Variants in MAL observed in about 807,000 individuals in gnomAD.
MAL encodes mal, T cell differentiation protein (MAL blood group).
MAL carries 5 observed loss-of-function variants against 16.7 expected under a neutral mutation model. That is an observed-to-expected ratio of 0.30 (90% CI 0.16 to 0.63). The LOEUF is 0.63. Among genes scored for constraint, MAL ranks in the 30% least tolerant of loss-of-function variants. MAL has a pLI of 0.82. For missense variants in MAL, 202 were observed against 195.8 expected (o/e 1.03, Z -0.19); for synonymous variants, 96 against 85.5 (o/e 1.12, Z -0.67).
At chr2:95,043,396 C>T (rs939840999) in intron 1 of MAL, among the ~76,000 whole-genome samples, 1 of 152,234 alleles carries the variant, frequency 6.6e-6, no homozygotes, top group Non-Finnish European at 1.5e-5. Flanking sequence ...TAGTTTTAGC[C>T]AGTTCACACC....
chr2:95,028,152 C>CA (rs898443996), intron 1 of MAL, among the ~76,000 whole-genome samples: 7,749 of 39,562 alleles, frequency 0.2, 254 homozygotes, highest in African/African-American at 0.22. Flanking sequence ...ACTAAAAATA[C>CA]AAAAAAAAAA....
At chr2:95,050,132 G>A (rs533912787) in intron 3 of MAL, among the ~76,000 whole-genome samples, 5 of 152,066 alleles carry the variant, frequency 3.3e-5, no homozygotes, top group South Asian at 2.1e-4. Flanking sequence ...TGGCATCAAC[G>A]CTGGAGGCCC....
intron 1 of MAL, among the ~76,000 whole-genome samples, chr2:95,043,968 C>A (rs1374277052): frequency 6.6e-6 from 1 of 152,146 alleles, no homozygotes; most frequent in East Asian, 1.9e-4. Flanking sequence ...TAAGAGCGTC[C>A]CTAGGAACGT....
intron 1 of MAL, among the ~76,000 whole-genome samples, chr2:95,034,085 G>A (rs1423609879): frequency 8.5e-5 from 13 of 152,182 alleles, no homozygotes; most frequent in East Asian, 1.9e-4. Context: ...CGCAAGGCCC[G>A]CCCCCATCAC....
chr2:95,032,723 C>T (rs1397473707), intron 1 of MAL, among the ~76,000 whole-genome samples: 2 of 152,170 alleles, frequency 1.3e-5, no homozygotes, highest in African/African-American at 4.8e-5. Context: ...TTGCCTTTGA[C>T]ACCCTGGTGA....
intron 1 of MAL, among the ~76,000 whole-genome samples, chr2:95,037,428 G>A (rs1319816500): frequency 5.3e-5 from 8 of 151,148 alleles, no homozygotes; most frequent in African/African-American, 1.9e-4. Flanking sequence ...GAGTGGGTGA[G>A]TGAGTGACTG....
intron 1 of MAL, among the ~76,000 whole-genome samples, chr2:95,045,643 G>A (rs937588335): frequency 6.6e-6 from 1 of 152,204 alleles, no homozygotes; most frequent in Non-Finnish European, 1.5e-5. Context: ...GGAGGGTCAC[G>A]TAGCCACCAG....
intron 2 of MAL, among the ~76,000 whole-genome samples, chr2:95,048,558 A>C (rs1437983500): frequency 2.0e-5 from 3 of 152,224 alleles, no homozygotes; most frequent in African/African-American, 7.2e-5. Flanking sequence ...CCAGCTCCTC[A>C]GCCACTGCCT....
At chr2:95,029,171 G>C (rs1275026520) in intron 1 of MAL, among the ~76,000 whole-genome samples, 1 of 152,128 alleles carries the variant, frequency 6.6e-6, no homozygotes, top group Non-Finnish European at 1.5e-5. Flanking sequence ...TTAATATTTT[G>C]CCTTGTTTGC....
At chr2:95,035,667 A>AT (rs747522452) in intron 1 of MAL, among the ~76,000 whole-genome samples, 9,677 of 130,964 alleles carry the variant, frequency 0.074, 457 homozygotes, top group Non-Finnish European at 0.11. Context: ...CAGCTCTTAG[A>AT]TTTTTTTTTT....
At chr2:95,038,598 GAGTGGGTGAGTGAC>G (rs1674328655) in intron 1 of MAL, among the ~76,000 whole-genome samples, 1 of 150,898 alleles carries the variant, frequency 6.6e-6, no homozygotes, top group Non-Finnish European at 1.5e-5. Flanking sequence ...CTGAGTGACT[GAGTGGGTGAGTGAC>G]TGAGTGAGTG....
At chr2:95,028,880 G>A (rs527866635) in intron 1 of MAL, among the ~76,000 whole-genome samples, 1 of 152,270 alleles carries the variant, frequency 6.6e-6, no homozygotes, top group East Asian at 1.9e-4. Flanking sequence ...ACAAACCCTG[G>A]TGGTTTGCCA....
chr2:95,037,360 CTGAG>C (rs1225343559), intron 1 of MAL, among the ~76,000 whole-genome samples: 21 of 114,312 alleles, frequency 1.8e-4, no homozygotes, highest in African/African-American at 3.8e-4. Flanking sequence ...GAGTGAGTGA[CTGAG>C]TGAGTGAGTG....
intron 1 of MAL, among the ~76,000 whole-genome samples, chr2:95,043,844 G>C (rs1274155581): frequency 6.6e-6 from 1 of 152,172 alleles, no homozygotes; most frequent in Non-Finnish European, 1.5e-5. Flanking sequence ...AAGGTCGACC[G>C]CCCCACTGCC....
chr2:95,040,420 T>A (rs920718924), intron 1 of MAL, among the ~76,000 whole-genome samples: 1 of 152,026 alleles, frequency 6.6e-6, no homozygotes, highest in African/African-American at 2.4e-5. Flanking sequence ...CACATACACA[T>A]ACATACGCAC....
At chr2:95,043,489 C>T (rs1032735250) in intron 1 of MAL, among the ~76,000 whole-genome samples, 2 of 152,232 alleles carry the variant, frequency 1.3e-5, no homozygotes, top group Non-Finnish European at 2.9e-5. Flanking sequence ...CTTGCTGCAG[C>T]GTCCCACAGT....
In MAL at chr2:95,047,942, C is replaced by T; in HGVS notation, c.94-17C>T. 14 of 1,610,316 alleles carry T rather than the reference C, an allele frequency of 8.7e-6. No homozygotes were observed. Among genetic ancestry groups the T allele is most frequent in the Non-Finnish European group, 1.2e-5 (14 of 1,178,162 alleles). On this transcript the variant is annotated splice_polypyrimidine_tract_variant and intron_variant, in intron 1 of 3. Transcript: ENST00000309988. ...CTCTCCTCTAGGCCAAAACTCACCCCTCCTCCTCCCCCGCAGATCTTCGGG... is the reference window on the plus strand; with the variant it reads ...CTCTCCTCTAGGCCAAAACTCACCCTTCCTCCTCCCCCGCAGATCTTCGGG...
At chr2:95,049,467 G>C (rs1032576957) in intron 2 of MAL, 114 bp from the exon 3 acceptor site, 112 of 1,360,940 alleles carry the variant, frequency 8.2e-5, no homozygotes, top group Middle Eastern at 4.2e-4. Flanking sequence ...GGGAGGGGTG[G>C]GATTCAAAGG....
At chr2:95,046,300 G>A (rs1179163212) in intron 1 of MAL, among the ~76,000 whole-genome samples, 1 of 152,158 alleles carries the variant, frequency 6.6e-6, no homozygotes, top group Non-Finnish European at 1.5e-5. Flanking sequence ...GTAGTACCTT[G>A]GAGACTTTTG....
Sources: allele counts gnomAD v4.1 joint callset (sites outside exome capture counted in the v4.1 genomes callset), GRCh38; gene constraint gnomAD v4.1.1; transcripts MANE v1.5; gene names NCBI Gene and HGNC (gene_info 2026-07-23, HGNC 2026-07-21).